The following GALK1 variants were observed in gnomAD, a reference collection of about 807,000 sequenced individuals.
GALK1 encodes galactokinase.
Under a neutral mutation model 38.6 loss-of-function variants are expected in GALK1, and 30 were observed. The ratio of observed to expected loss-of-function variants is 0.78; its 90% CI spans 0.58 to 1.05. GALK1 has a LOEUF of 1.05. Ranked by LOEUF, GALK1 falls within the 50% of genes least tolerant of loss-of-function variation. The probability of loss-of-function intolerance (pLI) is 0.00; values close to 1 mark genes in which losing one functional copy is unlikely to be tolerated. For missense variants in GALK1, 512 were observed against 540.5 expected (o/e 0.95, Z 0.52); for synonymous variants, 240 against 233.6 (o/e 1.03, Z -0.25).
chr17:75,764,959 T>G lies in GALK1; in HGVS notation c.165+13A>C, dbSNP rs750227939. 1.2e-6 allele frequency: 2 copies of G among 1,603,020 alleles called. No homozygotes were observed. The highest frequency in any genetic ancestry group is 1.1e-5 in the South Asian group (1 of 89,852). On this transcript the variant is annotated intron_variant, in intron 1 of 7. Transcript: ENST00000588479. ...GCGGCGGCGGGCTAGGGGCTCCCCGTGCAGCCCCTCACCATAGGCAGCACC... is the reference window on the plus strand; with the variant it reads ...GCGGCGGCGGGCTAGGGGCTCCCCGGGCAGCCCCTCACCATAGGCAGCACC...
In GALK1 at chr17:75,765,186, G is replaced by A. The variant is rs780668360; in HGVS notation, c.-50C>T. ...GCTGCTCCGGCACAGCCCCGTCGGC[G>A]CGGGATGCTCGGGCGGGGCCCCGCG... On this transcript the variant is annotated 5_prime_UTR_variant, in exon 1 of 8. Transcript: ENST00000588479. 2.0e-5 allele frequency: 28 copies of A among 1,380,884 alleles called. No individual in the cohort carries two copies. Among genetic ancestry groups the A allele is most frequent in the Non-Finnish European group, 2.5e-5 (27 of 1,072,988 alleles). 85.5% of individuals were successfully genotyped at this position (1,380,884 alleles called of 1,614,324 possible). A position where few individuals can be genotyped will look rare whatever the true frequency, so the allele number is the denominator to read the frequency against.
intron 5 of GALK1, among the ~76,000 whole-genome samples, chr17:75,761,956 G>A (rs1183163941): frequency 6.6e-5 from 10 of 152,184 alleles, no homozygotes; most frequent in Non-Finnish European, 1.5e-5. Context: ...GGAGGCAGAG[G>A]TTACAGTGAG....
downstream of GALK1, chr17:75,755,558 G>A: frequency 9.7e-7 from 1 of 1,031,720 alleles, no homozygotes; most frequent in Non-Finnish European, 1.5e-6. Context: ...GCCTGGACAG[G>A]GTGTTGCAGG....
downstream of GALK1, chr17:75,755,765 C>T (rs1408078324): frequency 1.2e-6 from 2 of 1,612,626 alleles, no homozygotes; most frequent in African/African-American, 1.3e-5. Context: ...CCCTGGGGCC[C>T]ACATCTCTCA....
downstream of GALK1, chr17:75,757,011 G>A (rs144654848): frequency 3.5e-5 from 56 of 1,612,208 alleles, no homozygotes; most frequent in East Asian, 3.3e-4. Flanking sequence ...GGGCCTCAGC[G>A]AGAACGTGCC....
chr17:75,754,490 G>T, downstream of GALK1: 1 of 1,566,258 alleles, frequency 6.4e-7, no homozygotes, highest in South Asian at 1.1e-5. Flanking sequence ...GAGGGTGGGT[G>T]ACCAGGAATG....
At chr17:75,758,421 C>A in intron 6 of GALK1, 28 bp downstream of exon 6, 1 of 1,575,878 alleles carries the variant, frequency 6.3e-7, no homozygotes, top group Non-Finnish European at 8.6e-7. Flanking sequence ...CTGTGCCCGG[C>A]AGGAGCGGGG....
downstream of GALK1, chr17:75,756,617 G>A: frequency 6.2e-7 from 1 of 1,612,776 alleles, no homozygotes; most frequent in Non-Finnish European, 8.5e-7. Context: ...TCCCCTGCCA[G>A]GTGAGTTGCC....
intron 5 of GALK1, among the ~76,000 whole-genome samples, chr17:75,761,227 AAAAGAT>A (rs1016330669): frequency 7.2e-5 from 11 of 152,002 alleles, no homozygotes; most frequent in Admixed American, 7.2e-4. Flanking sequence ...TAAATAATAA[AAAAGAT>A]AAATAAAAAA....
In GALK1 at chr17:75,764,002, C is replaced by G. The variant is rs761638957; in HGVS notation, c.250G>C (p.Glu84Gln). ...SLLTTSEGAD[E>Q]PQRLQFPLPT... is the part of the protein sequence containing the mutation. ...AGTGGAAACTGCAGCCGCTGGGGCT[C>G]ATCGGCACCCTCAGAGGTGGTGAGG... The change falls in exon 2 of 8, where the codon GAG becomes CAG. Residue 84 changes from glutamate (E) to glutamine (Q), a missense_variant. Glu to Gln is a conservative substitution (Grantham distance 29). Coordinates refer to ENST00000588479, the MANE Select transcript of GALK1 (RefSeq NM_000154.2). 1.2e-6 allele frequency: 2 copies of G among 1,610,934 alleles called. No individual in the cohort carries two copies. Among genetic ancestry groups the G allele is most frequent in the East Asian group, 4.5e-5 (2 of 44,822 alleles).
Position 75,763,129 on chromosome 17 carries a change from G to C in GALK1, c.496C>G (p.Arg166Gly). ...LCPDSGTIAA[R>G]AQVCQQAEHS... is the part of the protein sequence containing the mutation. ...TCGGCCTGCTGACACACCTGGGCGC[G>C]GGCAGCTATTGTGCCCGAGTCTGCA... The change falls in exon 4 of 8, where the codon CGC (arginine) becomes GGC (glycine). Residue 166 changes from arginine (R) to glycine (G), a missense_variant. Arg to Gly is a moderately radical substitution (Grantham distance 125, BLOSUM62 -2). Coordinates refer to ENST00000588479, the MANE Select transcript of GALK1 (RefSeq NM_000154.2). 6.2e-7 allele frequency: 1 copy of C among 1,611,970 alleles called. No homozygotes were observed. The highest frequency in any genetic ancestry group is 1.1e-5 in the South Asian group (1 of 91,074).
chr17:75,755,620 G>A, downstream of GALK1: 3 of 1,563,670 alleles, frequency 1.9e-6, no homozygotes, highest in Admixed American at 5.0e-5. Context: ...GCTGAGGGAG[G>A]GAGGTCAGGG....
downstream of GALK1, chr17:75,753,946 C>A: frequency 2.4e-6 from 3 of 1,273,824 alleles, no homozygotes; most frequent in Non-Finnish European, 3.0e-6. Context: ...GCAGCCTGCC[C>A]CGCAGTGCGA....
chr17:75,754,664 T>C (rs1242549750), downstream of GALK1: 7 of 1,613,834 alleles, frequency 4.3e-6, no homozygotes, highest in African/African-American at 1.3e-5. Flanking sequence ...CTGCTGCCTA[T>C]GGCACCCACC....
chr17:75,761,231 G>T (rs1254483513), intron 5 of GALK1, among the ~76,000 whole-genome samples: 2 of 151,762 alleles, frequency 1.3e-5, no homozygotes, highest in African/African-American at 2.4e-5. Flanking sequence ...TAATAAAAAA[G>T]ATAAATAAAA....
intron 5 of GALK1, among the ~76,000 whole-genome samples, chr17:75,761,864 T>TA (rs2061588894): frequency 6.6e-6 from 1 of 151,288 alleles, no homozygotes; most frequent in Non-Finnish European, 1.5e-5. Flanking sequence ...ACTAGAACTA[T>TA]AAAAAATGTG....
In GALK1 at chr17:75,764,022, G is replaced by T; in HGVS notation, c.230C>A (p.Thr77Asn). The T allele has an allele frequency of 6.2e-7, 1 of 1,607,326 alleles. No homozygotes were observed. Among genetic ancestry groups the T allele is most frequent in the Non-Finnish European group, 8.5e-7 (1 of 1,178,026 alleles). The stretch of plus-strand genomic sequence containing the variant: ...GGGCTCATCGGCACCCTCAGAGGTG[G>T]TGAGGAGAGACACCAGCCCATCCTT... ...PRKDGLVSLL[T>N]TSEGADEPQR... Residue 77 changes from threonine (T) to asparagine (N), a missense_variant, in exon 2 of 8, where the codon ACC becomes AAC. Thr to Asn is a moderately conservative substitution (Grantham distance 65, BLOSUM62 0). Coordinates refer to ENST00000588479, the MANE Select transcript of GALK1 (RefSeq NM_000154.2).
downstream of GALK1, chr17:75,754,961 C>CGCAT: frequency 5.9e-6 from 9 of 1,531,546 alleles, no homozygotes; most frequent in South Asian, 2.3e-5. Flanking sequence ...CACGTGCACA[C>CGCAT]GCATGCACAC....
downstream of GALK1, chr17:75,757,838 T>A: frequency 1.8e-5 from 12 of 669,346 alleles, no homozygotes; most frequent in South Asian, 2.0e-4. Flanking sequence ...TTGCCCATTC[T>A]TCTGGGGCCT....
Sources: allele counts gnomAD v4.1 joint callset (sites outside exome capture counted in the v4.1 genomes callset), GRCh38; gene constraint gnomAD v4.1.1; transcripts MANE v1.5; gene names NCBI Gene and HGNC (gene_info 2026-07-23, HGNC 2026-07-21).